RP1: variants seen among roughly 807,000 people sequenced by gnomAD.
RP1 encodes the protein oxygen-regulated protein 1.
RP1 carries 16 observed loss-of-function variants against 14.8 expected under a neutral mutation model. The observed-to-expected ratio is 1.08, with a 90% CI of 0.73 to 1.65. RP1 has a LOEUF of 1.65. Ranked by LOEUF, RP1 falls within the 40% of genes most tolerant of loss-of-function variation. The pLI, the probability that RP1 is intolerant of heterozygous loss-of-function variation, is 0.00. For synonymous variants in RP1, 876 were observed against 883.6 expected, an observed-to-expected ratio of 0.99 and a Z score of 0.15; for missense variants, 2,631 against 2,535.0, an observed-to-expected ratio of 1.04 and a Z score of -0.81.
chr8:54,649,653 A>G (rs567222328), intron 4 of RP1, among the ~76,000 whole-genome samples: 193 of 152,324 alleles, frequency 1.3e-3, no homozygotes, highest in Non-Finnish European at 1.8e-3. Flanking sequence ...ACATTAGCAA[A>G]CAAAGGCAAG....
At chr8:54,611,878 T>TCC (rs1805603562), upstream of RP1, among the ~76,000 whole-genome samples, 2 of 63,170 alleles carry the variant, frequency 3.2e-5, no homozygotes, top group South Asian at 1.1e-3. Flanking sequence ...CCTCCCTCCC[T>TCC]CCCTCTCTCC....
At position 54,706,488 on chromosome 8, in the gene RP1, T is replaced by C. The variant is rs372068047; in HGVS notation, c.2044T>C (p.Cys682Arg). 4.8e-5 allele frequency: 74 copies of C among 1,535,876 alleles called. 1 individual carries two copies. In the South Asian group the frequency reaches 7.1e-4, roughly 15 times the overall value. Residue 682 changes from cysteine (C) to arginine (R), a missense_variant, in exon 15 of 23, where the codon TGT becomes CGT. Cys to Arg is a radical substitution (Grantham distance 180). Coordinates refer to the RP1 transcript ENST00000636932. ...TGTGGTTCTGCTTGCTACAAGCCTGTGTCAGGCCCTGTGTCTCCAGCCTGA... is the reference window on the plus strand; with the variant it reads ...TGTGGTTCTGCTTGCTACAAGCCTGCGTCAGGCCCTGTGTCTCCAGCCTGA...
At chr8:54,836,713 T>C (rs1811665690) in intron 24 of RP1, among the ~76,000 whole-genome samples, 1 of 152,156 alleles carries the variant, frequency 6.6e-6, no homozygotes, top group Admixed American at 6.5e-5. Context: ...TGGGTGGTCT[T>C]AAGTAGAGGC....
chr8:54,820,249 G>GTGCT (rs1286518969), intron 24 of RP1, among the ~76,000 whole-genome samples: 9 of 152,076 alleles, frequency 5.9e-5, no homozygotes, highest in Admixed American at 2.6e-4. Context: ...GCCTGGGGCT[G>GTGCT]GGGGAGGGGT....
chr8:54,713,206 A>G (rs1808330369), intron 15 of RP1, among the ~76,000 whole-genome samples: 1 of 152,200 alleles, frequency 6.6e-6, no homozygotes, highest in Admixed American at 6.5e-5. Flanking sequence ...CACTGATCCT[A>G]TAACAAATAT....
chr8:54,565,384 G>A (rs966179074), intron 1 of RP1, among the ~76,000 whole-genome samples: 1 of 152,148 alleles, frequency 6.6e-6, no homozygotes, highest in African/African-American at 2.4e-5. Context: ...GGCCAACAGG[G>A]CGAAACTCCG....
intron 19 of RP1, among the ~76,000 whole-genome samples, chr8:54,739,518 G>A (rs1294791589): frequency 1.3e-5 from 2 of 151,986 alleles, no homozygotes; most frequent in African/African-American, 4.8e-5. Flanking sequence ...GCATATTTAT[G>A]GTTATATTTG....
Position 54,811,838 on chromosome 8 carries a change from G to A in RP1, c.3616-25612G>A, listed in dbSNP as rs149798793. 3.3e-3 allele frequency among the ~76,000 whole-genome samples: 503 copies of A among 152,302 alleles called. 2 individuals are homozygous for A. Among genetic ancestry groups the A allele is most frequent in the African/African-American group, 0.011 (437 of 41,558 alleles). On this transcript the variant is annotated intron_variant, in intron 24 of 28. Transcript: ENST00000637698. Reference sequence around the variant, plus strand: ...CTTAGGATTTGACAGATAATTTCAAGCTGAAAGCTCACTTACCGCATATTG... The same window carrying A: ...CTTAGGATTTGACAGATAATTTCAAACTGAAAGCTCACTTACCGCATATTG...
intron 25 of RP1, among the ~76,000 whole-genome samples, chr8:54,838,263 G>C (rs1209468632): frequency 6.6e-6 from 1 of 152,170 alleles, no homozygotes; most frequent in African/African-American, 2.4e-5. Context: ...TTCCTTTACT[G>C]AGTATTTTTT....
At chr8:54,787,857 A>G (rs1049122450) in intron 24 of RP1, among the ~76,000 whole-genome samples, 1 of 152,214 alleles carries the variant, frequency 6.6e-6, no homozygotes, top group East Asian at 1.9e-4. Context: ...GAGAAGACCT[A>G]TATTTGACCT....
Position 54,624,797 on chromosome 8 carries a change from T to C in RP1, c.915T>C (p.Asn305=). 4 of 1,614,074 alleles carry C rather than the reference T, an allele frequency of 2.5e-6. No individual in the cohort carries two copies. Among genetic ancestry groups the C allele is most frequent in the Non-Finnish European group, 3.4e-6 (4 of 1,179,974 alleles). Residue 305 remains asparagine, a synonymous_variant, in exon 4 of 4, where the codon AAT becomes AAC. Transcript: ENST00000220676. ...VPEKYLALEK[N]DSQNLPIYPS... The stretch of plus-strand genomic sequence containing the variant: ...AAAAGTACTTGGCCTTAGAAAAGAA[T>C]GATTCTCAGAATTTACCAATATATC...
intron 24 of RP1, among the ~76,000 whole-genome samples, chr8:54,819,465 G>T (rs542183028): frequency 4.9e-4 from 75 of 152,104 alleles, no homozygotes; most frequent in Admixed American, 3.7e-3. Flanking sequence ...TTAGTCCCTG[G>T]TGCCTTATTA....
chr8:54,626,986 A>C lies in RP1; in HGVS notation c.3104A>C (p.Asn1035Thr), dbSNP rs778868668. 9 of 1,614,050 alleles carry C rather than the reference A, an allele frequency of 5.6e-6. No homozygotes were observed. The South Asian group carries it at 8.8e-5, about 16-fold the overall frequency. The stretch of plus-strand genomic sequence containing the variant: ...TCACAGTCAGCTATTAATGATCATA[A>C]TACTAAAAGTCATATAGCTGCTGAA... ...TLSQSAINDH[N>T]TKSHIAAEKS... The change falls in exon 4 of 4, where the codon AAT becomes ACT. Residue 1035 changes from asparagine (N) to threonine (T), a missense_variant. Transcript: ENST00000220676.
At chr8:54,758,220 C>T (rs558420256) in intron 21 of RP1, among the ~76,000 whole-genome samples, 2 of 152,072 alleles carry the variant, frequency 1.3e-5, no homozygotes, top group Non-Finnish European at 2.9e-5. Flanking sequence ...CGTTTATTCT[C>T]GACAACAATC....
intron 25 of RP1, among the ~76,000 whole-genome samples, chr8:54,843,461 G>A (rs887192076): frequency 1.3e-5 from 2 of 152,168 alleles, no homozygotes; most frequent in African/African-American, 2.4e-5. Context: ...AACCGCCGCC[G>A]TATATGGTCT....
intron 1 of RP1, among the ~76,000 whole-genome samples, chr8:54,594,064 A>G (rs1805092235): frequency 7.4e-6 from 1 of 134,564 alleles, no homozygotes; most frequent in African/African-American, 2.8e-5. Context: ...GGCTGGAAAC[A>G]CATCATTCCT....
At position 54,663,925 on chromosome 8, in the gene RP1, C is replaced by T. The variant is rs1273864839; in HGVS notation, c.1323+75C>T. 3 of 1,331,832 alleles carry T rather than the reference C, an allele frequency of 2.3e-6. No homozygotes were observed. The Admixed American group carries it at 9.2e-5, about 41-fold the overall frequency. 82.5% of individuals were successfully genotyped at this position (1,331,832 alleles called of 1,614,324 possible). Reference sequence around the variant, plus strand: ...CATAAAATAAGATTTACTGTTGTAACTATTCTAAGAGTTTTTAATTTCACA... The same window carrying T: ...CATAAAATAAGATTTACTGTTGTAATTATTCTAAGAGTTTTTAATTTCACA... On this transcript the variant is annotated intron_variant, in intron 7 of 22. Coordinates refer to the RP1 transcript ENST00000636932.
intron 3 of RP1, among the ~76,000 whole-genome samples, chr8:54,623,413 T>C (rs975479887): frequency 2.5e-4 from 38 of 152,040 alleles, no homozygotes; most frequent in Non-Finnish European, 2.6e-4. Flanking sequence ...CTCTGCAACA[T>C]TAAAGGGGCT....
intron 27 of RP1, among the ~76,000 whole-genome samples, chr8:54,863,867 A>G (rs1465984119): frequency 6.6e-6 from 1 of 152,222 alleles, no homozygotes; most frequent in East Asian, 1.9e-4. Context: ...AACCAGTCAC[A>G]TCACTTCTTC....
Sources: allele counts gnomAD v4.1 joint callset (sites outside exome capture counted in the v4.1 genomes callset), GRCh38; gene constraint gnomAD v4.1.1; transcripts MANE v1.5; gene names NCBI Gene and HGNC (gene_info 2026-07-23, HGNC 2026-07-21).